Variants in ABCC1 observed in about 807,000 individuals in gnomAD.
ABCC1 encodes ATP binding cassette subfamily C member 1 (ABCC1 blood group), also known as multidrug resistance-associated protein 1.
Under a neutral mutation model 172.9 loss-of-function variants are expected in ABCC1, and 83 were observed. The ratio of observed to expected loss-of-function variants is 0.48; its 90% CI spans 0.40 to 0.58. ABCC1 has a LOEUF of 0.58. Ranked by LOEUF, ABCC1 falls within the 20% of genes least tolerant of loss-of-function variation. ABCC1 has a pLI of 0.00. For missense variants in ABCC1, 1,817 were observed against 2,002.7 expected, an observed-to-expected ratio of 0.91 and a Z score of 1.77; for synonymous variants, 937 against 825.2, an observed-to-expected ratio of 1.14 and a Z score of -2.32.
intron 7 of ABCC1, among the ~76,000 whole-genome samples, chr16:16,040,163 A>G (rs1423427959): frequency 6.6e-6 from 1 of 151,902 alleles, no homozygotes; most frequent in Non-Finnish European, 1.5e-5. Context: ...TGGCATGATA[A>G]CAGCTCATTG....
chr16:16,090,377 C>A (rs768279478), intron 18 of ABCC1, 28 bp from the exon 19 acceptor site: 2 of 1,557,268 alleles, frequency 1.3e-6, no homozygotes, highest in South Asian at 2.4e-5. Context: ...TGTGCACTCA[C>A]GTGGCCGGGT....
chr16:16,060,554 A>T (rs2049867646), intron 12 of ABCC1, among the ~76,000 whole-genome samples: 1 of 151,472 alleles, frequency 6.6e-6, no homozygotes, highest in East Asian at 1.9e-4. Flanking sequence ...ACTGAGTCTC[A>T]CTCTGTCACC....
chr16:16,023,580 C>G (rs1466502231), intron 5 of ABCC1, among the ~76,000 whole-genome samples: 1 of 152,118 alleles, frequency 6.6e-6, no homozygotes, highest in African/African-American at 2.4e-5. Context: ...GGTGTTGTGC[C>G]AGGGGCTGAG....
chr16:15,987,494 G>T (rs748202297), intron 1 of ABCC1, among the ~76,000 whole-genome samples: 2 of 152,186 alleles, frequency 1.3e-5, no homozygotes, highest in African/African-American at 2.4e-5. Context: ...ATTTCCCGTC[G>T]TGGGGGCTGT....
intron 3 of ABCC1, among the ~76,000 whole-genome samples, chr16:16,012,642 T>C (rs1297104243): frequency 6.6e-6 from 1 of 151,470 alleles, no homozygotes; most frequent in African/African-American, 2.4e-5. Flanking sequence ...GTCAGCTGTT[T>C]TTGACTTGAG....
At chr16:15,967,829 C>G (rs1389299644) in intron 1 of ABCC1, among the ~76,000 whole-genome samples, 1 of 151,500 alleles carries the variant, frequency 6.6e-6, no homozygotes, top group Admixed American at 6.6e-5. Context: ...TGAAGCCAGA[C>G]TATCACAACT....
intron 12 of ABCC1, among the ~76,000 whole-genome samples, chr16:16,057,366 TAAAA>T (rs747489467): frequency 2.3e-5 from 3 of 133,130 alleles, no homozygotes; most frequent in African/African-American, 8.4e-5. Context: ...CTCAAAAAAG[TAAAA>T]AAAAAAAAAA....
At chr16:15,970,100 T>A (rs2046333520) in intron 1 of ABCC1, among the ~76,000 whole-genome samples, 1 of 152,146 alleles carries the variant, frequency 6.6e-6, no homozygotes, top group South Asian at 2.1e-4. Context: ...GATACAGGTT[T>A]GGCTATGTGT....
At chr16:15,965,067 C>CCTA (rs2046214721) in intron 1 of ABCC1, among the ~76,000 whole-genome samples, 1 of 152,076 alleles carries the variant, frequency 6.6e-6, no homozygotes, top group African/African-American at 2.4e-5. Context: ...ACATTTGAGT[C>CCTA]TTGTTCTTAC....
intron 1 of ABCC1, among the ~76,000 whole-genome samples, chr16:15,952,877 C>CAAAAAAAAA (rs770433015): frequency 9.7e-6 from 1 of 102,978 alleles, no homozygotes; most frequent in Non-Finnish European, 2.1e-5. Flanking sequence ...CTAATAATAC[C>CAAAAAAAAA]AAAAAAAAAA....
At chr16:16,004,147 G>A (rs1439387441) in intron 1 of ABCC1, among the ~76,000 whole-genome samples, 1 of 150,858 alleles carries the variant, frequency 6.6e-6, no homozygotes, top group African/African-American at 2.4e-5. Context: ...GGGGAACACT[G>A]ACTGTGGTGG....
chr16:16,040,297 G>GT (rs1283710420), intron 7 of ABCC1, among the ~76,000 whole-genome samples: 5 of 151,524 alleles, frequency 3.3e-5, no homozygotes, highest in Non-Finnish European at 5.9e-5. Flanking sequence ...TTTTATATTT[G>GT]TTTTTTTGAG....
intron 1 of ABCC1, among the ~76,000 whole-genome samples, chr16:16,001,709 A>G (rs967755495): frequency 9.8e-5 from 15 of 152,328 alleles, no homozygotes; most frequent in Admixed American, 7.2e-4. Context: ...AACTACACAG[A>G]GATATTTTTC....
chr16:15,982,763 A>T (rs2151591558), intron 1 of ABCC1, among the ~76,000 whole-genome samples: 1 of 135,668 alleles, frequency 7.4e-6, no homozygotes, highest in Non-Finnish European at 1.5e-5. Context: ...CTATGACCAC[A>T]CCACTGCACT....
chr16:15,976,094 C>T (rs45479992), intron 1 of ABCC1, among the ~76,000 whole-genome samples: 1,846 of 151,906 alleles, frequency 0.012, 35 homozygotes, highest in African/African-American at 0.042. Context: ...GGTGAAATCC[C>T]GTCTCTACTA....
Position 16,141,459 on chromosome 16 carries a change from A to C in ABCC1, c.*178A>C, listed in dbSNP as rs2046123358. ...ACCGCCATCCGGTCCCCTGCCTGGAACTGGCTGTGAAGACCCAGGAGAGAC... is the reference window on the plus strand; with the variant it reads ...ACCGCCATCCGGTCCCCTGCCTGGACCTGGCTGTGAAGACCCAGGAGAGAC... On this transcript the variant is annotated 3_prime_UTR_variant, in exon 31 of 31. Transcript: ENST00000399410. 3 of 612,506 alleles carry C rather than the reference A, an allele frequency of 4.9e-6. No individual in the cohort carries two copies. Among genetic ancestry groups the C allele is most frequent in the Non-Finnish European group, 8.6e-6 (3 of 349,328 alleles). The allele number at this position is 612,506 out of a possible 1,614,324, so 37.9% of individuals were successfully genotyped here. A position where few individuals can be genotyped will look rare whatever the true frequency, so the allele number is the denominator to read the frequency against.
chr16:16,036,829 G>A (rs1381111301), intron 7 of ABCC1, among the ~76,000 whole-genome samples: 2 of 152,168 alleles, frequency 1.3e-5, no homozygotes, highest in Non-Finnish European at 2.9e-5. Context: ...AAAGAAGCTG[G>A]GTGCGGTGGC....
rs74011387 is a variant in ABCC1 at position 16,060,023 on chromosome 16, T to A, written c.1677+3728T>A. On this transcript the variant is annotated intron_variant, in intron 12 of 30. Coordinates refer to ENST00000399410, the MANE Select transcript of ABCC1 (RefSeq NM_004996.4). ...AAAAAAATAAAAAAAATGAAATCAA[T>A]GCTGAGCTCATGGGCCGTATGTAAA... Among the ~76,000 whole-genome samples the A allele has an allele frequency of 7.1e-3, 1,081 of 152,008 alleles. 11 individuals carry two copies. The highest frequency in any genetic ancestry group is 0.024 in the African/African-American group (997 of 41,478).
chr16:15,972,132 G>A (rs1463950799), intron 1 of ABCC1, among the ~76,000 whole-genome samples: 1 of 152,132 alleles, frequency 6.6e-6, no homozygotes, highest in Non-Finnish European at 1.5e-5. Context: ...TGGGGAATCT[G>A]TGACACAGTT....
Sources: allele counts gnomAD v4.1 joint callset (sites outside exome capture counted in the v4.1 genomes callset), GRCh38; gene constraint gnomAD v4.1.1; transcripts MANE v1.5; gene names NCBI Gene and HGNC (gene_info 2026-07-23, HGNC 2026-07-21).